CDK8: variants seen among roughly 807,000 people sequenced by gnomAD.
CDK8 encodes the protein cyclin-dependent kinase 8.
Under a neutral mutation model 71.5 loss-of-function variants are expected in CDK8, and 29 were observed. The ratio of observed to expected loss-of-function variants is 0.41; its 90% CI spans 0.30 to 0.55. CDK8 has a LOEUF of 0.55. Among genes scored for constraint, CDK8 ranks in the 20% least tolerant of loss-of-function variants. The pLI is 0.37. For missense variants in CDK8, 288 were observed against 572.6 expected, an observed-to-expected ratio of 0.50 and a Z score of 5.07; for synonymous variants, 161 against 192.1, an observed-to-expected ratio of 0.84 and a Z score of 1.34.
chr13:26,352,799 A>G (rs989384617), intron 3 of CDK8, among the ~76,000 whole-genome samples: 1 of 152,224 alleles, frequency 6.6e-6, no homozygotes, highest in African/African-American at 2.4e-5. Flanking sequence ...ATCATTAGTT[A>G]TTCCTTACTT....
intron 4 of CDK8, among the ~76,000 whole-genome samples, chr13:26,354,794 A>T (rs755149131): frequency 3.9e-5 from 6 of 152,162 alleles, no homozygotes; most frequent in Non-Finnish European, 8.8e-5. Context: ...GATGCCAAAA[A>T]GGTTGGGGAC....
rs1242783235 is a variant in CDK8, at chr13:26,401,372, G to A, written c.1110+25G>A. On this transcript the variant is annotated intron_variant, in intron 11 of 12. Transcript: ENST00000381527. The surrounding 1 kb of genome is among the most constrained non-coding windows in gnomAD (Gnocchi z 4.5). ...AGTAAGTATTAAAGTACTGTTAGCA[G>A]CTTCTTGTTTCGTGAATGCCTCCAT... is the stretch of plus-strand genomic sequence containing the variant. 1 of 1,611,614 alleles carries A rather than the reference G, an allele frequency of 6.2e-7. No homozygotes were observed. The highest frequency in any genetic ancestry group is 8.5e-7 in the Non-Finnish European group (1 of 1,177,960).
chr13:26,335,909 ATT>A lies in CDK8; in HGVS notation c.129-1657_129-1656del, dbSNP rs201540549. On this transcript the variant is annotated intron_variant, in intron 1 of 12. Transcript: ENST00000381527. The stretch of plus-strand genomic sequence containing the variant: ...ATTTTCCAGATAAAATATAATTGAT[ATT>A]CTCTTGCTTAACAACAACAACAACA... Among the ~76,000 whole-genome samples the A allele has an allele frequency of 8.5e-3, 1,055 of 124,348 alleles. 45 individuals carry two copies. In the Admixed American group the frequency reaches 0.095, roughly 11 times the overall value. 81.6% of individuals were successfully genotyped at this position (124,348 alleles called of 152,430 possible).
intron 2 of CDK8, among the ~76,000 whole-genome samples, chr13:26,343,936 G>A (rs1873354066): frequency 1.3e-5 from 2 of 151,710 alleles, no homozygotes; most frequent in Admixed American, 1.3e-4. Flanking sequence ...CACATGTGTA[G>A]GTTTGTTACA....
chr13:26,300,404 A>G (rs1873772774), intron 1 of CDK8, among the ~76,000 whole-genome samples: 2 of 152,180 alleles, frequency 1.3e-5, no homozygotes, highest in South Asian at 4.2e-4. Context: ...TTTTATGCTA[A>G]CTCAGAATGG....
intron 1 of CDK8, among the ~76,000 whole-genome samples, chr13:26,313,537 A>C (rs1283804260): frequency 6.6e-6 from 1 of 152,208 alleles, no homozygotes; most frequent in Non-Finnish European, 1.5e-5. Context: ...CTAGTAGTTT[A>C]ATTGGGATAC....
chr13:26,387,767 C>A (rs1875550174), intron 6 of CDK8, among the ~76,000 whole-genome samples: 2 of 152,210 alleles, frequency 1.3e-5, no homozygotes, highest in African/African-American at 4.8e-5. Context: ...CCAGTTTCTT[C>A]TTCTCATTCA....
intron 4 of CDK8, among the ~76,000 whole-genome samples, chr13:26,358,344 A>G (rs1265668656): frequency 1.3e-5 from 2 of 152,122 alleles, no homozygotes; most frequent in Non-Finnish European, 2.9e-5. Context: ...AAGTGAATAA[A>G]CAAGAAGCAC....
intron 1 of CDK8, among the ~76,000 whole-genome samples, chr13:26,268,737 C>T (rs17083568): frequency 0.058 from 8,830 of 152,134 alleles, 858 homozygotes; most frequent in African/African-American, 0.2. Context: ...TTTATGTTTA[C>T]TTTCATCAGA....
chr13:26,367,832 G>A lies in CDK8; in HGVS notation c.456+13952G>A, dbSNP rs543656369. ...TGAGACCTTATTGGAATTCAAATTCGAATAAAGCACAATTGGCAATTGGTC... is the reference window on the plus strand; with the variant it reads ...TGAGACCTTATTGGAATTCAAATTCAAATAAAGCACAATTGGCAATTGGTC... On this transcript the variant is annotated intron_variant, in intron 4 of 12. Coordinates refer to ENST00000381527, the MANE Select transcript of CDK8 (RefSeq NM_001260.3). Among the ~76,000 whole-genome samples, 10 of 152,200 alleles carry A rather than the reference G, an allele frequency of 6.6e-5. No individual in the cohort carries two copies. In the South Asian group the frequency reaches 8.3e-4, roughly 13 times the overall value.
At chr13:26,399,100 C>T (rs1215549263) in intron 9 of CDK8, among the ~76,000 whole-genome samples, 2 of 151,916 alleles carry the variant, frequency 1.3e-5, no homozygotes, top group Non-Finnish European at 2.9e-5. Flanking sequence ...ACCTCTGCCT[C>T]CCAGGTTCAA....
intron 1 of CDK8, among the ~76,000 whole-genome samples, chr13:26,328,712 G>C (rs1244345046): frequency 6.6e-6 from 1 of 152,194 alleles, no homozygotes; most frequent in Non-Finnish European, 1.5e-5. Flanking sequence ...TGTAGATATT[G>C]TGTCTTGGGA....
intron 4 of CDK8, among the ~76,000 whole-genome samples, chr13:26,364,131 G>A (rs1874272102): frequency 6.6e-6 from 1 of 152,154 alleles, no homozygotes; most frequent in Admixed American, 6.5e-5. Flanking sequence ...GAGAACTGTA[G>A]CAAAGCTGGA....
chr13:26,333,181 C>T (rs1872831920), intron 1 of CDK8, among the ~76,000 whole-genome samples: 1 of 152,002 alleles, frequency 6.6e-6, no homozygotes, highest in Non-Finnish European at 1.5e-5. Flanking sequence ...CTCTCATCCC[C>T]CAGGCTGGAG....
At chr13:26,283,544 G>T (rs1872860132) in intron 1 of CDK8, among the ~76,000 whole-genome samples, 2 of 152,040 alleles carry the variant, frequency 1.3e-5, no homozygotes, top group African/African-American at 2.4e-5. Context: ...GGAGGCAGGG[G>T]TTGCAGTGAG....
At chr13:26,295,558 CT>C (rs1873515551) in intron 1 of CDK8, among the ~76,000 whole-genome samples, 1 of 152,034 alleles carries the variant, frequency 6.6e-6, no homozygotes, top group Admixed American at 6.6e-5. Context: ...CTTTGAAGAA[CT>C]TTGTTGAATG....
intron 10 of CDK8, among the ~76,000 whole-genome samples, chr13:26,400,923 G>A (rs1389271548): frequency 6.6e-6 from 1 of 152,062 alleles, no homozygotes; most frequent in Non-Finnish European, 1.5e-5. Context: ...AAATGTAGTA[G>A]GAAGGGTAAA....
At chr13:26,290,341 C>G (rs1398895022) in intron 1 of CDK8, among the ~76,000 whole-genome samples, 1 of 152,030 alleles carries the variant, frequency 6.6e-6, no homozygotes, top group East Asian at 1.9e-4. Context: ...GCCTGTCATG[C>G]CAGGAATTTA....
intron 5 of CDK8, among the ~76,000 whole-genome samples, chr13:26,384,015 G>T (rs1200427539): frequency 6.6e-6 from 1 of 152,126 alleles, no homozygotes; most frequent in East Asian, 1.9e-4. Context: ...ATAGAAAAGA[G>T]CCAGCCAAAC....
Sources: gnomAD v4.1 joint callset for allele counts (sites outside exome capture counted in the v4.1 genomes callset) on GRCh38, gnomAD v4.1.1 for gene constraint, Gnocchi (gnomAD v3.1) non-coding constraint, MANE v1.5 for transcripts, NCBI Gene and HGNC (gene_info 2026-07-23, HGNC 2026-07-21) for gene names.